The following EDA variants were observed in gnomAD, a reference collection of about 807,000 sequenced individuals.
The protein encoded by EDA is ectodysplasin A, also known as ectodysplasin-A.
A neutral mutation model predicts 23.6 loss-of-function variants in EDA; 2 were observed. That is an observed-to-expected ratio of 0.08 (90% confidence interval 0.03 to 0.27). The LOEUF (loss-of-function observed/expected upper bound fraction) is 0.27. EDA is among the 10% of genes least tolerant of loss of function. The pLI is 1.00. For synonymous variants in EDA, 131 were observed against 132.0 expected (o/e 0.99, Z 0.05); for missense variants, 229 against 324.2 (o/e 0.71, Z 2.26).
intron 1 of EDA, among the ~76,000 whole-genome samples, chrX:69,931,412 T>C (rs1176217028): frequency 9.0e-6 from 1 of 111,425 alleles, no homozygotes; most frequent in African/African-American, 3.3e-5. Context: ...TCAGGGACAA[T>C]GGTGGATATC....
intron 1 of EDA, among the ~76,000 whole-genome samples, chrX:69,740,580 CTT>C (rs1229684087): frequency 9.0e-6 from 1 of 111,083 alleles, no homozygotes; most frequent in Non-Finnish European, 1.9e-5. Flanking sequence ...AAGATTTTAA[CTT>C]TGTCTTTCAG....
intron 1 of EDA, among the ~76,000 whole-genome samples, chrX:69,668,818 TG>T (rs1933778640): frequency 9.0e-6 from 1 of 110,920 alleles, no homozygotes; most frequent in Non-Finnish European, 1.9e-5. Context: ...CTGCCCACCT[TG>T]GCCTCCCAAA....
chrX:69,728,724 G>T (rs1336064198), intron 1 of EDA, among the ~76,000 whole-genome samples: 1 of 110,771 alleles, frequency 9.0e-6, no homozygotes, highest in South Asian at 3.8e-4. Context: ...TGAGAGGCTG[G>T]TTTAATAGCT....
intron 1 of EDA, among the ~76,000 whole-genome samples, chrX:69,930,832 T>C (rs1405431819): frequency 9.0e-6 from 1 of 111,543 alleles, no homozygotes; most frequent in Non-Finnish European, 1.9e-5. Context: ...GTTCACAGGA[T>C]ACAGGGTCAT....
chrX:69,898,585 T>C, intron 1 of EDA, among the ~76,000 whole-genome samples: 1 of 111,597 alleles, frequency 9.0e-6, no homozygotes, highest in South Asian at 3.8e-4. Flanking sequence ...TCCGTCTAAA[T>C]AGAAAAATCA....
intron 2 of EDA, among the ~76,000 whole-genome samples, chrX:69,980,833 G>C (rs1391696855): frequency 8.9e-6 from 1 of 112,291 alleles, no homozygotes; most frequent in Non-Finnish European, 1.9e-5. Context: ...AACTTGAGTA[G>C]AGTTACAGGT....
intron 1 of EDA, among the ~76,000 whole-genome samples, chrX:69,925,567 A>C (rs184047944): frequency 9.0e-6 from 1 of 111,162 alleles, no homozygotes; most frequent in Non-Finnish European, 1.9e-5. Context: ...GTTTTTATTG[A>C]GGATTTTTGC....
chrX:69,808,954 G>A (rs988345158), intron 1 of EDA, among the ~76,000 whole-genome samples: 1 of 111,515 alleles, frequency 9.0e-6, no homozygotes, highest in Non-Finnish European at 1.9e-5. Context: ...CATCAAGAAG[G>A]CAGCAGGAAT....
At chrX:69,961,342 A>G (rs1004711681) in intron 2 of EDA, among the ~76,000 whole-genome samples, 1 of 111,671 alleles carries the variant, frequency 9.0e-6, no homozygotes, top group African/African-American at 3.3e-5. Flanking sequence ...TGAGAGAAAA[A>G]AATTTTTATA....
At chrX:69,827,026 C>T (rs1465360448) in intron 1 of EDA, among the ~76,000 whole-genome samples, 1 of 112,032 alleles carries the variant, frequency 8.9e-6, no homozygotes, top group African/African-American at 3.3e-5. Flanking sequence ...TGAATATTGG[C>T]CCCCACTCTC....
intron 1 of EDA, among the ~76,000 whole-genome samples, chrX:69,877,763 TTTTCTC>T (rs2017669801): frequency 1.8e-5 from 2 of 112,335 alleles, no homozygotes; most frequent in Admixed American, 1.9e-4. Flanking sequence ...GTTACAGAGA[TTTTCTC>T]TTATTTTTCC....
At chrX:69,693,260 G>A (rs1015153088) in intron 1 of EDA, 1 of 111,034 alleles carries the variant, frequency 9.0e-6, no homozygotes, top group African/African-American at 3.3e-5. Flanking sequence ...AGATGACAGG[G>A]TTGGCAATCA....
At chrX:69,719,420 G>A (rs2012483125) in intron 1 of EDA, among the ~76,000 whole-genome samples, 1 of 110,938 alleles carries the variant, frequency 9.0e-6, no homozygotes, top group Non-Finnish European at 1.9e-5. Flanking sequence ...TAGTGATGAA[G>A]TCTGAGCTTT....
At chrX:69,709,286 A>T (rs1466528248) in intron 1 of EDA, among the ~76,000 whole-genome samples, 1 of 112,304 alleles carries the variant, frequency 8.9e-6, no homozygotes, top group Admixed American at 9.4e-5. Context: ...CTGCAGATTC[A>T]GTCAACTATA....
At chrX:69,849,078 TATATACACACACACACACAC>T (rs2017065751) in intron 1 of EDA, among the ~76,000 whole-genome samples, 2 of 30,239 alleles carry the variant, frequency 6.6e-5, no homozygotes. Context: ...ACACAAAGTC[TATATACACACACACACACAC>T]ACACACACAC....
chrX:69,778,865 A>G (rs1417829405), intron 1 of EDA, among the ~76,000 whole-genome samples: 1 of 111,491 alleles, frequency 9.0e-6, no homozygotes, highest in East Asian at 2.8e-4. Flanking sequence ...CTGTTAGCAA[A>G]CGTTTTCTTT....
intron 2 of EDA, among the ~76,000 whole-genome samples, chrX:70,017,728 A>T (rs2019971103): frequency 8.9e-6 from 1 of 111,884 alleles, no homozygotes; most frequent in Admixed American, 9.5e-5. Flanking sequence ...TTTATGACAA[A>T]CCCACAGCCA....
chrX:69,654,752 A>G (rs1363380258), intron 1 of EDA, among the ~76,000 whole-genome samples: 1 of 94,520 alleles, frequency 1.1e-5, no homozygotes, highest in Admixed American at 1.2e-4. Flanking sequence ...AACAATGAGA[A>G]CACATGGACA....
At chrX:69,643,646 A>G (rs1403700224) in intron 1 of EDA, among the ~76,000 whole-genome samples, 1 of 111,496 alleles carries the variant, frequency 9.0e-6, no homozygotes, top group African/African-American at 3.3e-5. Context: ...CTTTTGTTGC[A>G]ATTGCTTTTG....
Sources: gnomAD v4.1 joint callset for allele counts (sites outside exome capture counted in the v4.1 genomes callset) on GRCh38, gnomAD v4.1.1 for gene constraint, MANE v1.5 for transcripts, NCBI Gene and HGNC (gene_info 2026-07-23, HGNC 2026-07-21) for gene names.